Variants in SPTBN4 observed in about 807,000 individuals in gnomAD.
SPTBN4 encodes spectrin beta, non-erythrocytic 4, also known as spectrin beta chain, non-erythrocytic 4.
Under a neutral mutation model 277.8 loss-of-function variants are expected in SPTBN4, and 96 were observed. That is an observed-to-expected ratio of 0.35 (90% confidence interval 0.29 to 0.41). SPTBN4 has a LOEUF of 0.41. SPTBN4 is among the 10% of genes least tolerant of loss of function. The probability of loss-of-function intolerance (pLI) is 1.00; values close to 1 mark genes in which losing one functional copy is unlikely to be tolerated. For synonymous variants in SPTBN4, 1,481 were observed against 1,580.3 expected (o/e 0.94, Z 1.49); for missense variants, 3,006 against 3,595.7 (o/e 0.84, Z 4.19).
chr19:40,536,450 G>A (rs531001915), intron 20 of SPTBN4, among the ~76,000 whole-genome samples: 2 of 152,216 alleles, frequency 1.3e-5, no homozygotes, highest in Non-Finnish European at 2.9e-5. Flanking sequence ...CTGACCACAG[G>A]TGATTCACCC....
rs112138027 is a variant in SPTBN4, at chr19:40,500,277, C to G, written c.785-1644C>G. ...GCCAGGCTAGTCTTTCTAATACTTA[C>G]ATTGTTCCCAGGAGGCAGGAACCAT... On this transcript the variant is annotated intron_variant, in intron 7 of 35. Coordinates refer to ENST00000598249, the MANE Select transcript of SPTBN4 (RefSeq NM_020971.3). Among the ~76,000 whole-genome samples the G allele has an allele frequency of 3.6e-3, 545 of 152,260 alleles. 6 individuals are homozygous for G. Among genetic ancestry groups the G allele is most frequent in the African/African-American group, 0.013 (524 of 41,530 alleles).
rs1274643280 is a variant in SPTBN4, at chr19:40,519,941, C to T, written c.3444C>T (p.Arg1148=). The T allele has an allele frequency of 6.5e-7, 1 of 1,549,990 alleles. No individual in the cohort carries two copies. Among genetic ancestry groups the T allele is most frequent in the South Asian group, 1.2e-5 (1 of 83,578 alleles). The change falls in exon 16 of 36, where the codon CGC becomes CGT. Residue 1148 remains arginine, a synonymous_variant. Transcript: ENST00000598249. The surrounding 1 kb of genome is among the most constrained non-coding windows in gnomAD (Gnocchi z 5.7). ...ACCAGCGCGAGGAAGACTATGCTCGCATCGTGGCGGCCAGCGAGGCGCTGC... is the reference window on the plus strand; with the variant it reads ...ACCAGCGCGAGGAAGACTATGCTCGTATCGTGGCGGCCAGCGAGGCGCTGC... ...EVDQREEDYA[R]IVAASEALLA...
intron 17 of SPTBN4, among the ~76,000 whole-genome samples, chr19:40,528,735 A>C (rs987434179): frequency 1.3e-5 from 2 of 150,082 alleles, no homozygotes; most frequent in Non-Finnish European, 3.0e-5. Context: ...GTCCCTAGGT[A>C]TGTCTGTCTT....
rs2080501752 is a variant in SPTBN4 at position 40,519,680 on chromosome 19, G to A, written c.3183G>A (p.Gln1061=). The A allele has an allele frequency of 2.2e-6, 3 of 1,390,140 alleles. No individual in the cohort carries two copies. Among genetic ancestry groups the A allele is most frequent in the African/African-American group, 3.1e-5 (2 of 65,484 alleles). 86.1% of individuals were successfully genotyped at this position (1,390,140 alleles called of 1,614,324 possible). ...CGGCGCAGGCGGCGCGGCTGCACCA[G>A]GGCGCGGAGGAGCTGGGCGCCGAGT... The part of the protein sequence containing the change: ...RFPAQAARLH[Q]GAEELGAEWG... The change falls in exon 16 of 36, where the codon CAG becomes CAA. Residue 1061 remains glutamine, a synonymous_variant. Transcript: ENST00000598249. The surrounding 1 kb of genome is among the most constrained non-coding windows in gnomAD (Gnocchi z 5.7).
intron 16 of SPTBN4, among the ~76,000 whole-genome samples, chr19:40,521,323 G>A (rs769987025): frequency 1.3e-5 from 2 of 152,228 alleles, no homozygotes; most frequent in East Asian, 1.9e-4. Flanking sequence ...TGATTCAAGC[G>A]AATTACATTT....
Position 40,519,823 on chromosome 19 carries a change from A to G in SPTBN4, c.3326A>G (p.Glu1109Gly). 1.4e-6 allele frequency: 2 copies of G among 1,433,074 alleles called. No individual in the cohort carries two copies. The highest frequency in any genetic ancestry group is 9.0e-7 in the Non-Finnish European group (1 of 1,106,282). 88.8% of individuals were successfully genotyped at this position (1,433,074 alleles called of 1,614,324 possible). The change falls in exon 16 of 36, where the codon GAG becomes GGG. Residue 1109 changes from glutamate to glycine, a missense_variant. Coordinates refer to ENST00000598249, the MANE Select transcript of SPTBN4 (RefSeq NM_020971.3). The surrounding 1 kb of genome is among the most constrained non-coding windows in gnomAD (Gnocchi z 5.7). Reference sequence around the variant, plus strand: ...CTGGACTGGCTCGTGCGCGCCCAGGAGGCGGCGGGCGGCAGCGAGGGGCCC... The same window carrying G: ...CTGGACTGGCTCGTGCGCGCCCAGGGGGCGGCGGGCGGCAGCGAGGGGCCC... ...AFLDWLVRAQ[E>G]AAGGSEGPLP...
At chr19:40,570,768 C>T (rs368167921) in intron 33 of SPTBN4, 40 bp downstream of exon 33, 466 of 1,586,248 alleles carry the variant, frequency 2.9e-4, no homozygotes, top group Non-Finnish European at 3.8e-4. Flanking sequence ...GGGTCTCAGG[C>T]TCAGGGTGAC....
chr19:40,470,021 T>TG (rs1436805765), intron 1 of SPTBN4, among the ~76,000 whole-genome samples: 2 of 151,754 alleles, frequency 1.3e-5, no homozygotes, highest in Admixed American at 6.6e-5. Context: ...TTTTCTGAGA[T>TG]GGGGTCTCAC....
At chr19:40,513,586 C>T (rs1453953086) in intron 14 of SPTBN4, 32 bp downstream of exon 14, 4 of 1,497,374 alleles carry the variant, frequency 2.7e-6, no homozygotes, top group East Asian at 2.5e-5. Context: ...TCCGGGGTCC[C>T]CTTCCTCATG....
intron 2 of SPTBN4, among the ~76,000 whole-genome samples, chr19:40,474,175 AAAAAG>A (rs2079920825): frequency 6.7e-6 from 1 of 150,262 alleles, no homozygotes; most frequent in African/African-American, 2.4e-5. Context: ...AAAAAAAAAA[AAAAAG>A]AGCTTTGGAA....
At chr19:40,508,989 G>A (rs1043621925) in intron 13 of SPTBN4, among the ~76,000 whole-genome samples, 9 of 151,950 alleles carry the variant, frequency 5.9e-5, no homozygotes, top group African/African-American at 1.9e-4. Flanking sequence ...ATTATGGAGC[G>A]AGCTTGGTTT....
intron 13 of SPTBN4, among the ~76,000 whole-genome samples, chr19:40,507,007 G>A (rs1470748798): frequency 6.6e-6 from 1 of 151,832 alleles, no homozygotes; most frequent in Non-Finnish European, 1.5e-5. Context: ...AAGAAAACTT[G>A]TGCTAAGTAA....
chr19:40,574,653 C>T (rs1479398966), intron 35 of SPTBN4, among the ~76,000 whole-genome samples: 2 of 152,178 alleles, frequency 1.3e-5, no homozygotes, highest in Admixed American at 1.3e-4. Flanking sequence ...TGAGCCACCA[C>T]ACCCGGCCAG....
chr19:40,542,351 A>G (rs1184769428), intron 20 of SPTBN4, among the ~76,000 whole-genome samples: 1 of 151,902 alleles, frequency 6.6e-6, no homozygotes, highest in Non-Finnish European at 1.5e-5. Flanking sequence ...CCCACCTCCC[A>G]GGTCCTGGCC....
intron 25 of SPTBN4, 102 bp from the exon 26 acceptor site, chr19:40,556,921 C>G: frequency 7.0e-7 from 1 of 1,432,410 alleles, no homozygotes; most frequent in South Asian, 1.5e-5. Flanking sequence ...GAGCAAGACT[C>G]TGTATCAAAA....
At chr19:40,470,467 C>T (rs1428691639) in intron 1 of SPTBN4, among the ~76,000 whole-genome samples, 4 of 151,702 alleles carry the variant, frequency 2.6e-5, no homozygotes, top group Admixed American at 6.6e-5. Flanking sequence ...CTACCATGCC[C>T]AGCTCATTTT....
chr19:40,559,064 G>A (rs1202276310), intron 26 of SPTBN4, among the ~76,000 whole-genome samples: 1 of 150,414 alleles, frequency 6.6e-6, no homozygotes, highest in East Asian at 1.9e-4. Context: ...CGAGTAGCTG[G>A]GACTACAGGT....
chr19:40,480,657 G>T (rs10401458), intron 2 of SPTBN4, among the ~76,000 whole-genome samples: 55,891 of 152,004 alleles, frequency 0.37, 12,465 homozygotes, highest in African/African-American at 0.63. Context: ...TGCTTGTGGG[G>T]TGGTCCTTCT....
intron 27 of SPTBN4, among the ~76,000 whole-genome samples, chr19:40,563,637 C>T (rs1037399481): frequency 8.2e-6 from 1 of 121,964 alleles, no homozygotes; most frequent in Non-Finnish European, 1.7e-5. Flanking sequence ...ATCCGCCCGC[C>T]TCAGCCTCCC....
Sources: gnomAD v4.1 joint callset for allele counts (sites outside exome capture counted in the v4.1 genomes callset) on GRCh38, gnomAD v4.1.1 for gene constraint, Gnocchi (gnomAD v3.1) non-coding constraint, MANE v1.5 for transcripts, NCBI Gene and HGNC (gene_info 2026-07-23, HGNC 2026-07-21) for gene names.